PTPRA: variants seen among roughly 807,000 people sequenced by gnomAD.
PTPRA encodes receptor-type tyrosine-protein phosphatase alpha.
PTPRA carries 25 observed loss-of-function variants against 104.8 expected under a neutral mutation model. The observed-to-expected ratio is 0.24, with a 90% CI of 0.17 to 0.33. The LOEUF (loss-of-function observed/expected upper bound fraction) is 0.33, where lower values mean the gene tolerates loss of function less well. Among genes scored for constraint, PTPRA ranks in the 10% least tolerant of loss-of-function variants. PTPRA has a pLI of 1.00. For missense variants in PTPRA, 765 were observed against 1,015.3 expected (o/e 0.75, Z 3.35); for synonymous variants, 323 against 368.9 (o/e 0.88, Z 1.43).
rs184095490 is a variant in PTPRA at position 2,989,821 on chromosome 20, T to G, written c.738+1347T>G. ...TCACAAGGTCAGGAGATCGAGACCA[T>G]CCTGGCTAACACAGTGAAACCCTGT... On this transcript the variant is annotated intron_variant, in intron 9 of 23. Transcript: ENST00000399903. 3.7e-3 allele frequency among the ~76,000 whole-genome samples: 556 copies of G among 152,132 alleles called. 10 individuals are homozygous for G. Among genetic ancestry groups the G allele is most frequent in the South Asian group, 0.034 (164 of 4,810 alleles).
At position 2,925,559 on chromosome 20, in the gene PTPRA, A is replaced by G. The variant is rs551243441; in HGVS notation, c.-50+2274A>G. Among the ~76,000 whole-genome samples the G allele has an allele frequency of 2.6e-5, 4 of 152,308 alleles. No homozygotes were observed. The East Asian group carries it at 5.8e-4, about 22-fold the overall frequency. On this transcript the variant is annotated intron_variant, in intron 2 of 23. Coordinates refer to ENST00000399903, the MANE Select transcript of PTPRA (RefSeq NM_001385305.1). ...CTGAGTGTGGTGGCTCACGCCTGTA[A>G]TCCCAGCACTTTGGGAGGCCGAGGC... is the stretch of plus-strand genomic sequence containing the variant.
At chr20:3,007,250 A>G in intron 10 of PTPRA, 94 bp from the exon 11 acceptor site, 1 of 1,204,044 alleles carries the variant, frequency 8.3e-7, no homozygotes, top group East Asian at 2.4e-5. Flanking sequence ...GAGTCTGTGC[A>G]CATAGGCACA....
chr20:2,884,814 T>G (rs199963394), intron 1 of PTPRA, among the ~76,000 whole-genome samples: 2,111 of 26,390 alleles, frequency 0.08, 79 homozygotes, highest in East Asian at 0.45. Flanking sequence ...TTTTTTTTGT[T>G]TTTTTTTTTT....
Position 3,037,073 on chromosome 20 carries a change from C to T in PTPRA, c.2199-81C>T. ...GAGCACCAGCTGCCTGCCCCCACCT[C>T]TTCTGCCACTCACCACTGTCACTCA... On this transcript the variant is annotated intron_variant, in intron 22 of 23. Coordinates refer to ENST00000399903, the MANE Select transcript of PTPRA (RefSeq NM_001385305.1). This position sits in a 1 kb window ranked among gnomAD's most constrained non-coding sequence, Gnocchi z 4.3. The T allele has an allele frequency of 1.3e-6, 2 of 1,558,806 alleles. No homozygotes were observed. The highest frequency in any genetic ancestry group is 1.2e-5 in the South Asian group (1 of 82,258).
intron 1 of PTPRA, among the ~76,000 whole-genome samples, chr20:2,906,680 A>G (rs572196061): frequency 2.4e-4 from 37 of 152,288 alleles, no homozygotes; most frequent in African/African-American, 7.9e-4. Context: ...ATCAAAATTG[A>G]TTGCAAGTAT....
rs74383235 is a variant in PTPRA, at chr20:2,981,944, G to A, written c.443-4821G>A. Among the ~76,000 whole-genome samples the A allele has an allele frequency of 3.0e-3, 458 of 152,248 alleles. 2 individuals are homozygous for A. Among genetic ancestry groups the A allele is most frequent in the African/African-American group, 9.6e-3 (398 of 41,522 alleles). ...AAGATTCTGATCTACATATGCCACCGTTTGCTGCCTTTCAGATATGCTGTT... is the reference window on the plus strand; with the variant it reads ...AAGATTCTGATCTACATATGCCACCATTTGCTGCCTTTCAGATATGCTGTT... On this transcript the variant is annotated intron_variant, in intron 6 of 23. Coordinates refer to ENST00000399903, the MANE Select transcript of PTPRA (RefSeq NM_001385305.1).
intron 2 of PTPRA, among the ~76,000 whole-genome samples, chr20:2,928,221 C>T (rs909198225): frequency 2.6e-5 from 4 of 152,094 alleles, no homozygotes; most frequent in Non-Finnish European, 4.4e-5. Context: ...CTGCAAGCTT[C>T]GCCTCCCAGG....
chr20:2,867,691 GC>G, the PTPRA span, among the ~76,000 whole-genome samples: 2 of 152,222 alleles, frequency 1.3e-5, no homozygotes, highest in South Asian at 2.1e-4. Flanking sequence ...TTCCTTTGTC[GC>G]CCCCACTTTG....
intron 5 of PTPRA, among the ~76,000 whole-genome samples, chr20:2,974,270 A>C (rs904169330): frequency 6.6e-6 from 1 of 151,138 alleles, no homozygotes; most frequent in African/African-American, 2.4e-5. Context: ...TTGATTTTTG[A>C]GATGGAATCT....
chr20:2,920,972 G>C (rs575898395), intron 1 of PTPRA, among the ~76,000 whole-genome samples: 1 of 152,304 alleles, frequency 6.6e-6, no homozygotes, highest in South Asian at 2.1e-4. Flanking sequence ...ATTTTGAATA[G>C]TTCTTGGAAT....
chr20:2,969,043 A>T (rs753433865), intron 5 of PTPRA, among the ~76,000 whole-genome samples: 1 of 152,066 alleles, frequency 6.6e-6, no homozygotes, highest in South Asian at 2.1e-4. Flanking sequence ...CCCTCTGTCT[A>T]CCTACTAAAA....
In PTPRA at chr20:2,943,664, TAA is replaced by T. The variant is rs2061014078; in HGVS notation, c.-49-4316_-49-4315del. On this transcript the variant is annotated intron_variant, in intron 2 of 23. Transcript: ENST00000399903. The stretch of plus-strand genomic sequence containing the variant: ...AACTTGGCACCCATACACATCTCCT[TAA>T]ACCATTATTAATCTCCAAATAAAGA... Among the ~76,000 whole-genome samples the T allele has an allele frequency of 1.3e-5, 2 of 152,194 alleles. 1 individual carries two copies. Among genetic ancestry groups the T allele is most frequent in the Admixed American group, 1.3e-4 (2 of 15,274 alleles).
At chr20:3,032,680 C>G (rs573887921) in intron 20 of PTPRA, among the ~76,000 whole-genome samples, 14 of 151,130 alleles carry the variant, frequency 9.3e-5, no homozygotes, top group Non-Finnish European at 2.1e-4. Context: ...GCAGGAGAAT[C>G]GTTTGAACCA....
At chr20:2,977,245 G>A (rs958636829) in intron 6 of PTPRA, among the ~76,000 whole-genome samples, 5 of 148,120 alleles carry the variant, frequency 3.4e-5, no homozygotes, top group African/African-American at 1.2e-4. Flanking sequence ...TCTTGGCTGC[G>A]ATCCAGACTG....
At chr20:3,011,832 C>G (rs1004779050) in intron 11 of PTPRA, among the ~76,000 whole-genome samples, 2 of 152,226 alleles carry the variant, frequency 1.3e-5, no homozygotes, top group Non-Finnish European at 2.9e-5. Flanking sequence ...TCAGATGCTG[C>G]TCAGCAAAGA....
intron 5 of PTPRA, 52 bp from the exon 6 acceptor site, chr20:2,975,163 A>G: frequency 6.9e-7 from 1 of 1,449,320 alleles, no homozygotes; most frequent in Non-Finnish European, 9.6e-7. Context: ...ATTGAATTGT[A>G]ATGTGTTTCT....
intron 3 of PTPRA, among the ~76,000 whole-genome samples, chr20:2,954,918 T>TA (rs940698883): frequency 2.6e-5 from 4 of 152,230 alleles, no homozygotes; most frequent in Non-Finnish European, 5.9e-5. Flanking sequence ...CGTGTAGATA[T>TA]ACAGTTTTCT....
At chr20:2,964,249 TA>T in intron 3 of PTPRA, 22 bp from the exon 4 acceptor site, 1 of 1,579,842 alleles carries the variant, frequency 6.3e-7, no homozygotes, top group Non-Finnish European at 8.7e-7. Context: ...GGACCTCATC[TA>T]ACATGACTCC....
intron 3 of PTPRA, among the ~76,000 whole-genome samples, chr20:2,952,334 C>T (rs2061381812): frequency 6.6e-6 from 1 of 152,124 alleles, no homozygotes; most frequent in Non-Finnish European, 1.5e-5. Flanking sequence ...CAGCATCTTT[C>T]ATGTGCTTAT....
Sources: gnomAD v4.1 joint callset for allele counts (sites outside exome capture counted in the v4.1 genomes callset) on GRCh38, gnomAD v4.1.1 for gene constraint, Gnocchi (gnomAD v3.1) non-coding constraint, MANE v1.5 for transcripts, NCBI Gene and HGNC (gene_info 2026-07-23, HGNC 2026-07-21) for gene names.